SIRT5: variants seen among roughly 807,000 people sequenced by gnomAD.
SIRT5 encodes sirtuin 5, also known as NAD-dependent protein deacylase sirtuin-5, mitochondrial.
A neutral mutation model predicts 40.0 loss-of-function variants in SIRT5; 26 were observed. That is an observed-to-expected ratio of 0.65 (90% CI 0.48 to 0.90). The LOEUF (loss-of-function observed/expected upper bound fraction) is 0.90. Ranked by LOEUF, SIRT5 falls within the 40% of genes least tolerant of loss-of-function variation. The pLI, the probability that SIRT5 is intolerant of heterozygous loss-of-function variation, is 0.00. For missense variants in SIRT5, 401 were observed against 402.4 expected, an observed-to-expected ratio of 1.00 and a Z score of 0.03; for synonymous variants, 146 against 149.1, an observed-to-expected ratio of 0.98 and a Z score of 0.15.
In SIRT5 at chr6:13,613,895, T is replaced by G. The variant is rs2127751073; in HGVS notation, c.*2030T>G. 1 of 152,380 alleles carries G rather than the reference T, an allele frequency of 6.6e-6. No individual in the cohort carries two copies. The highest frequency in any genetic ancestry group is 1.9e-4 in the East Asian group (1 of 5,194). 9.4% of individuals were successfully genotyped at this position (152,380 alleles called of 1,614,324 possible). On this transcript the variant is annotated 3_prime_UTR_variant, in exon 10 of 10. Coordinates refer to ENST00000606117, the MANE Select transcript of SIRT5 (RefSeq NM_012241.5). ...GGAGTCTGATTATATTTTTGATTTG[T>G]AATTTCTATCTGACTAAGGCCTAGA... is the stretch of plus-strand genomic sequence containing the variant.
Position 13,612,947 on chromosome 6 carries a change from A to T in SIRT5, c.*1082A>T, listed in dbSNP as rs762177262. The T allele has an allele frequency of 2.0e-5, 3 of 152,020 alleles. No homozygotes were observed. Among genetic ancestry groups the T allele is most frequent in the Non-Finnish European group, 4.4e-5 (3 of 68,008 alleles). The allele number at this position is 152,020 out of a possible 1,614,324, so 9.4% of individuals were successfully genotyped here. On this transcript the variant is annotated 3_prime_UTR_variant, in exon 10 of 10. Coordinates refer to ENST00000606117, the MANE Select transcript of SIRT5 (RefSeq NM_012241.5). ...CTGAACTCTGCTGGGAGTTTTTTCC[A>T]TGGGACTTTAAAAAATGATGCCCTT...
intron 7 of SIRT5, among the ~76,000 whole-genome samples, 196 bp from the exon 8 acceptor site, chr6:13,598,836 A>AG (rs1761971773): frequency 6.6e-6 from 1 of 151,906 alleles, no homozygotes. Context: ...AAAAAAAAAA[A>AG]AAAAAAAAAA....
At chr6:13,584,663 T>C (rs1759819674) in intron 3 of SIRT5, among the ~76,000 whole-genome samples, 1 of 152,254 alleles carries the variant, frequency 6.6e-6, no homozygotes, top group Non-Finnish European at 1.5e-5. Flanking sequence ...TCTTCTCTTT[T>C]AGGTAATCCC....
intron 3 of SIRT5, among the ~76,000 whole-genome samples, chr6:13,587,018 G>C (rs1391550426): frequency 2.0e-5 from 3 of 152,138 alleles, no homozygotes; most frequent in Non-Finnish European, 4.4e-5. Flanking sequence ...TCAGTCCAAG[G>C]GTTAGCCTTG....
intron 5 of SIRT5, among the ~76,000 whole-genome samples, 180 bp from the exon 6 acceptor site, chr6:13,595,297 C>A (rs1172723633): frequency 6.6e-6 from 1 of 152,148 alleles, no homozygotes; most frequent in Non-Finnish European, 1.5e-5. Context: ...TCGCTTGAGC[C>A]CATGAGTTGG....
At chr6:13,585,656 G>T (rs1230000531) in intron 3 of SIRT5, among the ~76,000 whole-genome samples, 2 of 152,156 alleles carry the variant, frequency 1.3e-5, no homozygotes, top group East Asian at 3.8e-4. Context: ...TGGACATTTA[G>T]GTTGGTTCCA....
chr6:13,600,280 G>A (rs77393608), intron 8 of SIRT5, among the ~76,000 whole-genome samples: 1,599 of 152,288 alleles, frequency 0.01, 19 homozygotes, highest in African/African-American at 0.036. Context: ...TGAGTATAGT[G>A]CCACTGTTGA....
intron 9 of SIRT5, 91 bp downstream of exon 9, chr6:13,601,040 A>T: frequency 2.1e-6 from 2 of 943,826 alleles, no homozygotes; most frequent in Non-Finnish European, 3.2e-6. Flanking sequence ...TCTAATTTTT[A>T]AAAAAGACAT....
In SIRT5 at chr6:13,597,015, C is replaced by T. The variant is rs754211104; in HGVS notation, c.616C>T (p.Arg206Trp). Residue 206 changes from arginine to tryptophan, a missense_variant and splice_region_variant, in exon 7 of 10, where the codon CGG (arginine) becomes TGG (tryptophan). Coordinates refer to ENST00000606117, the MANE Select transcript of SIRT5 (RefSeq NM_012241.5). Reference protein sequence around the residue: ...DASIPVEKLPRCEEAGCGGLL... With the variant: ...DASIPVEKLPWCEEAGCGGLL... ...CAGCATCCCAGTTGAGAAACTTCCC[C>T]GGTAGGTAGAAAACTCTGATTTGTA... The T allele has an allele frequency of 2.9e-5, 46 of 1,610,044 alleles. No individual in the cohort carries two copies. The highest frequency in any genetic ancestry group is 9.9e-5 in the South Asian group (9 of 90,728).
intron 9 of SIRT5, among the ~76,000 whole-genome samples, chr6:13,611,458 A>T (rs1242233067): frequency 6.6e-6 from 1 of 151,784 alleles, no homozygotes; most frequent in Non-Finnish European, 1.5e-5. Flanking sequence ...TTACTTGCAT[A>T]GGTTCTCAGG....
At chr6:13,606,887 G>C (rs1050787962) in intron 9 of SIRT5, among the ~76,000 whole-genome samples, 1 of 151,802 alleles carries the variant, frequency 6.6e-6, no homozygotes, top group African/African-American at 2.4e-5. Flanking sequence ...TCACCATGTT[G>C]GTCAGACAGG....
At position 13,613,903 on chromosome 6, in the gene SIRT5, A is replaced by G. The variant is rs1764139416; in HGVS notation, c.*2038A>G. ...ATTATATTTTTGATTTGTAATTTCT[A>G]TCTGACTAAGGCCTAGAGATTTCAA... On this transcript the variant is annotated 3_prime_UTR_variant, in exon 10 of 10. Coordinates refer to ENST00000606117, the MANE Select transcript of SIRT5 (RefSeq NM_012241.5). The G allele has an allele frequency of 6.6e-6, 1 of 152,198 alleles. No individual in the cohort carries two copies. The highest frequency in any genetic ancestry group is 2.4e-5 in the African/African-American group (1 of 41,454). 9.4% of individuals were successfully genotyped at this position (152,198 alleles called of 1,614,324 possible).
Position 13,584,057 on chromosome 6 carries a change from T to C in SIRT5, c.-35-19T>C. 1.6e-6 allele frequency: 2 copies of C among 1,219,336 alleles called. No homozygotes were observed. Among genetic ancestry groups the C allele is most frequent in the Non-Finnish European group, 1.2e-6 (1 of 828,582 alleles). The allele number at this position is 1,219,336 out of a possible 1,614,324, so 75.5% of individuals were successfully genotyped here. On this transcript the variant is annotated intron_variant, in intron 2 of 9. Coordinates refer to ENST00000606117, the MANE Select transcript of SIRT5 (RefSeq NM_012241.5). ...TGCTGATTGTTTCTACACTATTTGT[T>C]TTTGTGATTTTTCTAAAGCCCGCCT...
chr6:13,615,012 C>T lies in SIRT5; in HGVS notation c.*3147C>T, dbSNP rs1036023124. On this transcript the variant is annotated 3_prime_UTR_variant, in exon 10 of 10. Coordinates refer to ENST00000606117, the MANE Select transcript of SIRT5 (RefSeq NM_012241.5). ...AGCAGCGCCTCGGGCCCGCGATTAC[C>T]GGTTTTCTGAGCACCGGACAGCGTG... 1 of 268,772 alleles carries T rather than the reference C, an allele frequency of 3.7e-6. No individual in the cohort carries two copies. Among genetic ancestry groups the T allele is most frequent in the Non-Finnish European group, 7.0e-6 (1 of 142,446 alleles). 16.6% of individuals were successfully genotyped at this position (268,772 alleles called of 1,614,324 possible). A position where few individuals can be genotyped will look rare whatever the true frequency, so the allele number is the denominator to read the frequency against.
rs568073457 is a variant in SIRT5, at chr6:13,574,757, C to T, written c.-195+13C>T. On this transcript the variant is annotated intron_variant, in intron 1 of 9. Transcript: ENST00000606117. ...TGCGGGGCCCAAGGTCTTCCGGGCT[C>T]TGCGTGGGGGTCGCTGCGGCTGGAG... 3 of 152,386 alleles carry T rather than the reference C, an allele frequency of 2.0e-5. No homozygotes were observed. Among genetic ancestry groups the T allele is most frequent in the African/African-American group, 7.2e-5 (3 of 41,502 alleles). 9.4% of individuals were successfully genotyped at this position (152,386 alleles called of 1,614,324 possible). A position where few individuals can be genotyped will look rare whatever the true frequency, so the allele number is the denominator to read the frequency against.
chr6:13,590,949 TGTTTA>T (rs1383635202), intron 4 of SIRT5, among the ~76,000 whole-genome samples: 5 of 116,400 alleles, frequency 4.3e-5, no homozygotes, highest in South Asian at 7.0e-4. Context: ...TAGTTGTGTG[TGTTTA>T]GTTTGTGTGT....
intron 4 of SIRT5, among the ~76,000 whole-genome samples, chr6:13,590,120 A>G (rs1760644034): frequency 6.6e-6 from 1 of 152,208 alleles, no homozygotes; most frequent in South Asian, 2.1e-4. Flanking sequence ...ATTTCTTTTT[A>G]AAATTAATGT....
At position 13,614,458 on chromosome 6, in the gene SIRT5, A is replaced by G. The variant is rs1764185435; in HGVS notation, c.*2593A>G. ...GTGAAACAGTTTGATTTGTTCAAAG[A>G]ATGATGAATCACTTAGTGTTGTATA... On this transcript the variant is annotated 3_prime_UTR_variant, in exon 10 of 10. Transcript: ENST00000606117. 1 of 152,252 alleles carries G rather than the reference A, an allele frequency of 6.6e-6. No homozygotes were observed. The allele number at this position is 152,252 out of a possible 1,614,324, so 9.4% of individuals were successfully genotyped here. A position where few individuals can be genotyped will look rare whatever the true frequency, so the allele number is the denominator to read the frequency against.
chr6:13,579,930 T>C (rs757992726), intron 2 of SIRT5, among the ~76,000 whole-genome samples: 1 of 152,232 alleles, frequency 6.6e-6, no homozygotes, highest in Non-Finnish European at 1.5e-5. Flanking sequence ...AATTGAAGTT[T>C]GTCAAAAGTT....
Sources: gnomAD v4.1 joint callset for allele counts (sites outside exome capture counted in the v4.1 genomes callset) on GRCh38, gnomAD v4.1.1 for gene constraint, MANE v1.5 for transcripts, NCBI Gene and HGNC (gene_info 2026-07-23, HGNC 2026-07-21) for gene names.